Variants in PDE4B observed in about 807,000 individuals in gnomAD.
The protein encoded by PDE4B is phosphodiesterase 4B.
In PDE4B, 20 loss-of-function variants were observed where a neutral mutation model predicts 82.2. The ratio of observed to expected loss-of-function variants is 0.24; its 90% CI spans 0.17 to 0.35. The LOEUF is 0.35. Ranked by LOEUF, PDE4B falls within the 10% of genes least tolerant of loss-of-function variation. PDE4B has a pLI of 1.00. For missense variants in PDE4B, 655 were observed against 907.2 expected, an observed-to-expected ratio of 0.72 and a Z score of 3.57; for synonymous variants, 320 against 318.9, an observed-to-expected ratio of 1.00 and a Z score of -0.04.
chr1:65,973,806 TG>T (rs1395554416), intron 3 of PDE4B, among the ~76,000 whole-genome samples: 2 of 87,692 alleles, frequency 2.3e-5, no homozygotes, highest in East Asian at 2.8e-4. Context: ...AATGTAGCAC[TG>T]GGTTTTTTTT....
At chr1:66,256,328 T>C (rs1654223491) in intron 4 of PDE4B, among the ~76,000 whole-genome samples, 1 of 152,228 alleles carries the variant, frequency 6.6e-6, no homozygotes, top group African/African-American at 2.4e-5. Flanking sequence ...GCTCTGTGGA[T>C]CGATGTCATT....
At chr1:66,040,272 T>A (rs1412879481) in intron 3 of PDE4B, among the ~76,000 whole-genome samples, 1 of 152,052 alleles carries the variant, frequency 6.6e-6, no homozygotes, top group African/African-American at 2.4e-5. Context: ...CTGACTACTG[T>A]TGAATAAAGA....
chr1:66,265,167 C>G (rs1306279347), intron 6 of PDE4B, among the ~76,000 whole-genome samples: 1 of 152,204 alleles, frequency 6.6e-6, no homozygotes, highest in East Asian at 1.9e-4. Context: ...CCTACTGAAT[C>G]AGCAACTCTG....
chr1:66,251,247 G>A (rs1414626795), intron 4 of PDE4B, among the ~76,000 whole-genome samples: 1 of 152,170 alleles, frequency 6.6e-6, no homozygotes, highest in Non-Finnish European at 1.5e-5. Context: ...TATCCCCAAT[G>A]TGGTAGGTAC....
chr1:65,938,098 G>A (rs1214460071), intron 3 of PDE4B, among the ~76,000 whole-genome samples: 1 of 152,186 alleles, frequency 6.6e-6, no homozygotes, highest in South Asian at 2.1e-4. Flanking sequence ...TTTGATGGCT[G>A]ACACCTTTCA....
At chr1:65,932,928 A>G (rs1356551725) in intron 3 of PDE4B, among the ~76,000 whole-genome samples, 2 of 152,262 alleles carry the variant, frequency 1.3e-5, no homozygotes, top group East Asian at 3.9e-4. Flanking sequence ...AATGACAAAA[A>G]TAAAGACAGC....
In PDE4B at chr1:66,200,272, G is replaced by T. The variant is rs1395536339; in HGVS notation, c.282-47188G>T. Among the ~76,000 whole-genome samples the T allele has an allele frequency of 2.0e-5, 3 of 152,300 alleles. No individual in the cohort carries two copies. The East Asian group carries it at 5.8e-4, about 29-fold the overall frequency. ...AGCCTTATAGTATAGTTTGAAGTCA[G>T]GTAGCGTGATGCCTCCAGCTTTGTT... On this transcript the variant is annotated intron_variant, in intron 3 of 16. Transcript: ENST00000341517.
chr1:66,207,892 G>GT (rs1329460406), intron 3 of PDE4B, among the ~76,000 whole-genome samples: 3 of 152,164 alleles, frequency 2.0e-5, no homozygotes, highest in African/African-American at 7.2e-5. Flanking sequence ...AGAAAGAACC[G>GT]TAAGGTTTGA....
chr1:66,123,414 T>C (rs1468332009), intron 3 of PDE4B, among the ~76,000 whole-genome samples: 1 of 152,198 alleles, frequency 6.6e-6, no homozygotes, highest in Non-Finnish European at 1.5e-5. Context: ...TGAATTATAC[T>C]TTCTCAATTT....
At chr1:66,071,164 A>G (rs1656138031) in intron 3 of PDE4B, among the ~76,000 whole-genome samples, 3 of 152,118 alleles carry the variant, frequency 2.0e-5, no homozygotes, top group African/African-American at 7.2e-5. Flanking sequence ...GCATTTTGAT[A>G]CAATAAAAGC....
intron 7 of PDE4B, among the ~76,000 whole-genome samples, chr1:66,293,580 C>G (rs1657268488): frequency 6.6e-6 from 1 of 152,160 alleles, no homozygotes. Flanking sequence ...TGGGCTTCAT[C>G]AGTGATTCCC....
At chr1:65,854,776 A>G (rs540684024) in intron 1 of PDE4B, among the ~76,000 whole-genome samples, 58 of 151,860 alleles carry the variant, frequency 3.8e-4, no homozygotes, top group Non-Finnish European at 6.8e-4. Context: ...AGCTTTTGTA[A>G]AAGTATTTTT....
chr1:66,208,908 G>T (rs1231067145), intron 3 of PDE4B, among the ~76,000 whole-genome samples: 1 of 152,126 alleles, frequency 6.6e-6, no homozygotes, highest in Non-Finnish European at 1.5e-5. Context: ...GAAAAACTGA[G>T]GTTTAAGGAA....
intron 8 of PDE4B, among the ~76,000 whole-genome samples, chr1:66,345,812 C>G (rs1414124713): frequency 6.6e-6 from 1 of 152,126 alleles, no homozygotes; most frequent in Non-Finnish European, 1.5e-5. Context: ...CCCAATGACC[C>G]CCAAAGTACC....
At chr1:66,145,028 C>T (rs1013232096) in intron 3 of PDE4B, among the ~76,000 whole-genome samples, 1 of 152,292 alleles carries the variant, frequency 6.6e-6, no homozygotes, top group East Asian at 1.9e-4. Flanking sequence ...TCTCTTTATG[C>T]CTTGATGAAC....
intron 3 of PDE4B, among the ~76,000 whole-genome samples, chr1:66,199,713 C>T (rs1214970959): frequency 6.6e-6 from 1 of 152,098 alleles, no homozygotes; most frequent in African/African-American, 2.4e-5. Context: ...GTAGGAGATT[C>T]ACAAATATCT....
chr1:66,160,337 C>T (rs1177694580), intron 3 of PDE4B, among the ~76,000 whole-genome samples: 1 of 152,198 alleles, frequency 6.6e-6, no homozygotes, highest in East Asian at 1.9e-4. Context: ...GAACCAATGG[C>T]TTCCTCATTT....
chr1:66,308,675 T>C (rs1379808635), intron 7 of PDE4B, among the ~76,000 whole-genome samples: 1 of 152,194 alleles, frequency 6.6e-6, no homozygotes, highest in Non-Finnish European at 1.5e-5. Context: ...TGTTGTTTCA[T>C]GCTACAGTTG....
intron 3 of PDE4B, among the ~76,000 whole-genome samples, chr1:66,157,067 C>G (rs2101230072): frequency 6.6e-6 from 1 of 152,302 alleles, no homozygotes; most frequent in South Asian, 2.1e-4. Flanking sequence ...GCATCTCAAA[C>G]TTACAATCCT....
Sources: allele counts gnomAD v4.1 joint callset (sites outside exome capture counted in the v4.1 genomes callset), GRCh38; gene constraint gnomAD v4.1.1; transcripts MANE v1.5; gene names NCBI Gene and HGNC (gene_info 2026-07-23, HGNC 2026-07-21).